PAX9: variants seen among roughly 807,000 people sequenced by gnomAD.
The protein encoded by PAX9 is paired box 9.
PAX9 carries 6 observed loss-of-function variants against 29.1 expected under a neutral mutation model. That is an observed-to-expected ratio of 0.21 (90% CI 0.11 to 0.41). PAX9 has a LOEUF of 0.41. PAX9 is among the 10% of genes least tolerant of loss of function. The probability of loss-of-function intolerance (pLI) is 1.00; values close to 1 mark genes in which losing one functional copy is unlikely to be tolerated. For synonymous variants in PAX9, 217 were observed against 211.7 expected, an observed-to-expected ratio of 1.03 and a Z score of -0.22; for missense variants, 443 against 479.1, an observed-to-expected ratio of 0.92 and a Z score of 0.70.
chr14:36,676,070 A>G lies in PAX9; in HGVS notation c.772-128A>G, dbSNP rs1320485034. 24 of 900,784 alleles carry G rather than the reference A, an allele frequency of 2.7e-5. No individual in the cohort carries two copies. The Admixed American group carries it at 6.4e-4, about 24-fold the overall frequency. 55.8% of individuals were successfully genotyped at this position (900,784 alleles called of 1,614,324 possible). A position where few individuals can be genotyped will look rare whatever the true frequency, so the allele number is the denominator to read the frequency against. On this transcript the variant is annotated intron_variant, in intron 3 of 3. Coordinates refer to ENST00000361487, the MANE Select transcript of PAX9 (RefSeq NM_001372076.1). The stretch of plus-strand genomic sequence containing the variant: ...ATATAATAAAGCTCAAATTTTTTTA[A>G]AAAGTTGGAGAGTAGAGTCAGAGCA...
Position 36,676,540 on chromosome 14 carries a change from C to T in PAX9, c.*88C>T, listed in dbSNP as rs1881901004. On this transcript the variant is annotated 3_prime_UTR_variant, in exon 4 of 4. Coordinates refer to ENST00000361487, the MANE Select transcript of PAX9 (RefSeq NM_001372076.1). ...TTCCCAGGTCTCACATCCCACCCCT[C>T]CTGCCCTCCAACCCTTCTGCCTTGA... The T allele has an allele frequency of 1.2e-5, 17 of 1,474,206 alleles. No homozygotes were observed. The highest frequency in any genetic ancestry group is 1.5e-5 in the Non-Finnish European group (16 of 1,077,224). The allele number at this position is 1,474,206 out of a possible 1,614,324, so 91.3% of individuals were successfully genotyped here.
rs558226307 is a variant in PAX9 at position 36,677,077 on chromosome 14, A to G, written c.*625A>G. 1.9e-5 allele frequency: 3 copies of G among 157,624 alleles called. No individual in the cohort carries two copies. The highest frequency in any genetic ancestry group is 3.8e-4 in the South Asian group (2 of 5,330). The allele number at this position is 157,624 out of a possible 1,614,324, so 9.8% of individuals were successfully genotyped here. A position where few individuals can be genotyped will look rare whatever the true frequency, so the allele number is the denominator to read the frequency against. ...CCCTGGTGTTTTGACTTGGTTCCAA[A>G]TACAATAATGTTTATATTTTCTATT... is the stretch of plus-strand genomic sequence containing the variant. On this transcript the variant is annotated 3_prime_UTR_variant, in exon 4 of 4. Transcript: ENST00000361487.
At chr14:36,672,929 G>T (rs111571921) in intron 3 of PAX9, among the ~76,000 whole-genome samples, 12,559 of 121,954 alleles carry the variant, frequency 0.1, 1,241 homozygotes, top group African/African-American at 0.28. Context: ...GCAATGATGC[G>T]ATCTCGGCTC....
chr14:36,668,106 C>T (rs1399575555), intron 3 of PAX9, among the ~76,000 whole-genome samples: 1 of 152,086 alleles, frequency 6.6e-6, no homozygotes, highest in Non-Finnish European at 1.5e-5. Flanking sequence ...TAAAAAGACA[C>T]GTGTAAAAGT....
At position 36,663,275 on chromosome 14, in the gene PAX9, G is replaced by A; in HGVS notation, c.383G>A (p.Arg128His). 6.2e-7 allele frequency: 1 copy of A among 1,614,162 alleles called. No individual in the cohort carries two copies. Among genetic ancestry groups the A allele is most frequent in the Non-Finnish European group, 8.5e-7 (1 of 1,180,034 alleles). Residue 128 changes from arginine (R) to histidine (H), a missense_variant, in exon 2 of 4, where the codon CGC becomes CAC. Physicochemically the swap from Arg to His is conservative, Grantham distance 29. Around this residue, in one of 2 missense-constraint regions of PAX9, gnomAD observed 336 missense variants for 317.2 expected, o/e 1.06. Transcript: ENST00000361487. ...GTGAGCTCCATCAGCCGCATTCTGC[G>A]CAACAAGATCGGCAACTTGGCCCAG... ...PSVSSISRIL[R>H]NKIGNLAQQG... is the part of the protein sequence containing the mutation.
In PAX9 at chr14:36,666,478, C is replaced by T; in HGVS notation, c.648C>T (p.Pro216=). The change falls in exon 3 of 4, where the codon CCC becomes CCT. Residue 216 remains proline, a synonymous_variant. Transcript: ENST00000361487. The part of the protein sequence containing the change: ...SITDQVSDSS[P]YHSPKVEEWS... ...CTCCATCAGTGAGCGACAGCTCCCC[C>T]TACCACAGCCCCAAGGTGGAGGAGT... 6.2e-7 allele frequency: 1 copy of T among 1,611,032 alleles called. No individual in the cohort carries two copies. The highest frequency in any genetic ancestry group is 8.5e-7 in the Non-Finnish European group (1 of 1,178,992).
chr14:36,675,051 A>G (rs573655687), intron 3 of PAX9, among the ~76,000 whole-genome samples: 1 of 152,360 alleles, frequency 6.6e-6, no homozygotes, highest in African/African-American at 2.4e-5. Flanking sequence ...GTACCTAGCT[A>G]ACATACATCT....
rs899238144 is a variant in PAX9, at chr14:36,662,084, G to C, written c.-6G>C. The C allele has an allele frequency of 9.0e-6, 14 of 1,553,936 alleles. No homozygotes were observed. Among genetic ancestry groups the C allele is most frequent in the African/African-American group, 4.1e-5 (3 of 72,938 alleles). On this transcript the variant is annotated 5_prime_UTR_variant, in exon 1 of 4. Transcript: ENST00000361487. ...CTGGGGCCGGGTTGGTGTACTGCTCGGAGCAATGGGTGAGTGGCGGCGGGG... is the reference window on the plus strand; with the variant it reads ...CTGGGGCCGGGTTGGTGTACTGCTCCGAGCAATGGGTGAGTGGCGGCGGGG...
chr14:36,665,256 G>A (rs1014882852), intron 2 of PAX9, among the ~76,000 whole-genome samples: 1 of 151,782 alleles, frequency 6.6e-6, no homozygotes, highest in South Asian at 2.1e-4. Context: ...ATGTCAGTTG[G>A]GAAAGTATTG....
intron 3 of PAX9, among the ~76,000 whole-genome samples, chr14:36,675,008 A>G (rs1881831023): frequency 6.6e-6 from 1 of 152,232 alleles, no homozygotes; most frequent in Non-Finnish European, 1.5e-5. Context: ...TAAATTAGAA[A>G]GTAATTCCTG....
chr14:36,676,112 A>G (rs772311678), intron 3 of PAX9, 86 bp from the exon 4 acceptor site: 4 of 1,447,776 alleles, frequency 2.8e-6, no homozygotes, highest in Non-Finnish European at 3.9e-6. Context: ...GCTTACTCAG[A>G]CTTAAGTTCT....
chr14:36,673,070 T>G (rs1168134446), intron 3 of PAX9, among the ~76,000 whole-genome samples: 2 of 151,656 alleles, frequency 1.3e-5, no homozygotes, highest in African/African-American at 2.4e-5. Flanking sequence ...TTCACTATGT[T>G]GGCCAGGCTG....
Position 36,663,346 on chromosome 14 carries a change from C to G in PAX9, c.454C>G (p.Pro152Ala). The change falls in exon 2 of 4, where the codon CCA becomes GCA. Residue 152 changes from proline (P) to alanine (A), a missense_variant. Pro to Ala is a conservative substitution (Grantham distance 27). This residue lies in a region of PAX9 where 336 missense variants were observed against 317.2 expected (regional missense o/e 1.06). Coordinates refer to ENST00000361487, the MANE Select transcript of PAX9 (RefSeq NM_001372076.1). ...CAAGCAGCACCAGCCGACGCCGCAGCCAGCGCTGCCCTACAACCACATCTA... is the reference window on the plus strand; with the variant it reads ...CAAGCAGCACCAGCCGACGCCGCAGGCAGCGCTGCCCTACAACCACATCTA... The part of the protein sequence containing the change: ...SYKQHQPTPQ[P>A]ALPYNHIYSY... 6.2e-7 allele frequency: 1 copy of G among 1,614,114 alleles called. No homozygotes were observed. Among genetic ancestry groups the G allele is most frequent in the Non-Finnish European group, 8.5e-7 (1 of 1,180,042 alleles).
chr14:36,676,177 C>T (rs761949661), intron 3 of PAX9, 21 bp from the exon 4 acceptor site: 1 of 1,613,736 alleles, frequency 6.2e-7, no homozygotes, highest in Admixed American at 1.7e-5. Context: ...TTATTTTTCA[C>T]TTCTTTTCTA....
upstream of PAX9, among the ~76,000 whole-genome samples, chr14:36,661,343 A>G (rs756636248): frequency 4.6e-5 from 7 of 152,198 alleles, no homozygotes; most frequent in Non-Finnish European, 8.8e-5. Context: ...TGGCCGGCCT[A>G]TCTTCTCACA....
intron 3 of PAX9, among the ~76,000 whole-genome samples, chr14:36,674,949 C>T (rs1241082058): frequency 6.6e-6 from 1 of 152,112 alleles, no homozygotes; most frequent in Non-Finnish European, 1.5e-5. Context: ...TGAGACCGCA[C>T]CACTGCATTC....
At chr14:36,668,666 C>T (rs567674003) in intron 3 of PAX9, among the ~76,000 whole-genome samples, 6 of 152,164 alleles carry the variant, frequency 3.9e-5, no homozygotes, top group Non-Finnish European at 7.3e-5. Flanking sequence ...GGATTACAGG[C>T]GTGAGCCACC....
intron 3 of PAX9, among the ~76,000 whole-genome samples, chr14:36,673,955 A>G (rs1881789448): frequency 6.6e-6 from 1 of 152,244 alleles, no homozygotes; most frequent in Non-Finnish European, 1.5e-5. Context: ...GGAAATGAAA[A>G]TATTAGTTAA....
At chr14:36,673,690 T>A (rs1566476842) in intron 3 of PAX9, among the ~76,000 whole-genome samples, 1 of 152,156 alleles carries the variant, frequency 6.6e-6, no homozygotes, top group East Asian at 1.9e-4. Context: ...TTTTGAATGA[T>A]AGATAAAATA....
Sources: allele counts gnomAD v4.1 joint callset (sites outside exome capture counted in the v4.1 genomes callset), GRCh38; gene constraint gnomAD v4.1.1; regional missense constraint gnomAD v4.1.1; transcripts MANE v1.5; gene names NCBI Gene and HGNC (gene_info 2026-07-23, HGNC 2026-07-21).